The following FBXO47 variants were observed in gnomAD, a reference collection of about 807,000 sequenced individuals.
FBXO47 encodes the protein F-box protein 47.
In FBXO47, 34 loss-of-function variants were observed where a neutral mutation model predicts 53.9. The observed-to-expected ratio is 0.63, with a 90% CI of 0.48 to 0.84. The LOEUF (loss-of-function observed/expected upper bound fraction) is 0.84. FBXO47 is among the 40% of genes least tolerant of loss of function. The probability of loss-of-function intolerance (pLI) is 0.00; values close to 1 mark genes in which losing one functional copy is unlikely to be tolerated. For missense variants in FBXO47, 485 were observed against 541.3 expected (o/e 0.90, Z 1.03); for synonymous variants, 165 against 181.6 (o/e 0.91, Z 0.73).
rs571634100 is a variant in FBXO47 at position 38,959,908 on chromosome 17, G to A, written c.352+1969C>T. On this transcript the variant is annotated intron_variant, in intron 3 of 10. Transcript: ENST00000378079. ...CAAACTAAAAATAAGATATATGGTA[G>A]GAAAATATATGCCTGAACCTCATGA... 3.3e-5 allele frequency among the ~76,000 whole-genome samples: 5 copies of A among 152,082 alleles called. No homozygotes were observed. The South Asian group carries it at 1.0e-3, about 32-fold the overall frequency.
intron 6 of FBXO47, among the ~76,000 whole-genome samples, chr17:38,949,205 C>A (rs1905081742): frequency 6.6e-6 from 1 of 151,900 alleles, no homozygotes; most frequent in South Asian, 2.1e-4. Flanking sequence ...TCACTTGAGC[C>A]CAGGAGTTTG....
At chr17:38,963,922 G>A (rs1905960024) in intron 1 of FBXO47, among the ~76,000 whole-genome samples, 1 of 148,710 alleles carries the variant, frequency 6.7e-6, no homozygotes, top group African/African-American at 2.5e-5. Flanking sequence ...TCAGCCTCCT[G>A]AGTAGCTGGG....
Position 38,954,893 on chromosome 17 carries a change from T to C in FBXO47, c.470A>G (p.Gln157Arg), listed in dbSNP as rs746644991. 2.7e-5 allele frequency: 44 copies of C among 1,611,460 alleles called. No individual in the cohort carries two copies. The highest frequency in any genetic ancestry group is 3.3e-5 in the South Asian group (3 of 90,406). ...FKFNGCAAPM[Q>R]CLGLTCYGMF... Reference sequence around the variant, plus strand: ...GCCATAACATGTTAATCCTAAACACTGCATAGGAGCTGCACAGCCATTGAA... The same window carrying C: ...GCCATAACATGTTAATCCTAAACACCGCATAGGAGCTGCACAGCCATTGAA... Residue 157 changes from glutamine (Q) to arginine (R), a missense_variant, in exon 5 of 11, where the codon CAG becomes CGG. Physicochemically the swap from Gln to Arg is conservative, Grantham distance 43. Transcript: ENST00000378079.
intron 1 of FBXO47, among the ~76,000 whole-genome samples, chr17:38,963,806 T>TTG (rs1555562680): frequency 4.8e-5 from 7 of 147,302 alleles, no homozygotes; most frequent in Non-Finnish European, 1.5e-5. Context: ...TTTGTTGTTT[T>TTG]TTTTTTTTTT....
intron 6 of FBXO47, among the ~76,000 whole-genome samples, chr17:38,946,983 T>TATATATAAACATATACAAATATATGTAA: frequency 1.6e-5 from 1 of 62,432 alleles, no homozygotes; most frequent in East Asian, 5.5e-4. Flanking sequence ...TATATGTAAA[T>TATATATAAACATATACAAATATATGTAA]ATATATAAAC....
At chr17:38,946,886 A>G (rs1448714817) in intron 6 of FBXO47, among the ~76,000 whole-genome samples, 3 of 111,868 alleles carry the variant, frequency 2.7e-5, no homozygotes, top group East Asian at 4.7e-4. Flanking sequence ...ATATATAAAT[A>G]TATATATAAA....
intron 9 of FBXO47, among the ~76,000 whole-genome samples, chr17:38,940,208 A>G (rs928751360): frequency 2.0e-5 from 3 of 151,948 alleles, no homozygotes; most frequent in South Asian, 4.1e-4. Flanking sequence ...CTCCACACAT[A>G]CAGTGGCTTA....
intron 4 of FBXO47, among the ~76,000 whole-genome samples, chr17:38,956,413 C>A (rs1905558858): frequency 6.6e-6 from 1 of 151,728 alleles, no homozygotes; most frequent in Non-Finnish European, 1.5e-5. Flanking sequence ...CAGGGCAAAA[C>A]CTCATCTCTA....
At chr17:38,947,440 C>T (rs908811724) in intron 6 of FBXO47, among the ~76,000 whole-genome samples, 7 of 152,144 alleles carry the variant, frequency 4.6e-5, no homozygotes, top group Non-Finnish European at 7.4e-5. Flanking sequence ...GCAATCCTCC[C>T]ACCTCAGCCT....
rs1358591417 is a variant in FBXO47 at position 38,951,655 on chromosome 17, T to C, written c.542A>G (p.His181Arg). Residue 181 changes from histidine to arginine, a missense_variant, in exon 6 of 11, where the codon CAT (histidine) becomes CGT (arginine). Transcript: ENST00000378079. ...TTCGCATAAGAAATTATAAACGCGA[T>C]GGCACTCAAGTTCATCCCAACCTGC... ...LTAGWDELEC[H>R]RVYNFLCELT... 1 of 1,614,048 alleles carries C rather than the reference T, an allele frequency of 6.2e-7. No individual in the cohort carries two copies. Among genetic ancestry groups the C allele is most frequent in the Admixed American group, 1.7e-5 (1 of 59,990 alleles).
chr17:38,953,777 AT>A (rs1276251086), intron 5 of FBXO47, among the ~76,000 whole-genome samples: 1 of 152,212 alleles, frequency 6.6e-6, no homozygotes, highest in Non-Finnish European at 1.5e-5. Context: ...TACCCTTGGA[AT>A]TGTACAAGAA....
chr17:38,945,366 G>A (rs990472604), intron 6 of FBXO47, among the ~76,000 whole-genome samples: 2 of 152,018 alleles, frequency 1.3e-5, no homozygotes, highest in African/African-American at 4.8e-5. Flanking sequence ...TGAATAATGG[G>A]TCAATCAATC....
intron 1 of FBXO47, among the ~76,000 whole-genome samples, chr17:38,964,367 G>C (rs1048573357): frequency 2.0e-5 from 3 of 152,076 alleles, no homozygotes; most frequent in Non-Finnish European, 4.4e-5. Flanking sequence ...AAGCCAAGGC[G>C]GGTGGATCAC....
intron 9 of FBXO47, among the ~76,000 whole-genome samples, chr17:38,939,769 G>A (rs1450117279): frequency 7.1e-6 from 1 of 140,690 alleles, no homozygotes; most frequent in Non-Finnish European, 1.5e-5. Flanking sequence ...CCGGGTTCAC[G>A]CCATTCTCCT....
chr17:38,961,051 T>G lies in FBXO47; in HGVS notation c.352+826A>C, dbSNP rs16968540. Among the ~76,000 whole-genome samples the G allele has an allele frequency of 8.9e-3, 1,356 of 152,336 alleles. 12 individuals carry two copies. The highest frequency in any genetic ancestry group is 0.013 in the Non-Finnish European group (899 of 68,026). On this transcript the variant is annotated intron_variant, in intron 3 of 10. Transcript: ENST00000378079. ...ACACTGTAATCAGATCAGATACTTT[T>G]CTTTCATTTGGTCTTATTAAATAAA...
At chr17:38,949,035 G>A (rs1409846431) in intron 6 of FBXO47, among the ~76,000 whole-genome samples, 3 of 152,130 alleles carry the variant, frequency 2.0e-5, no homozygotes, top group East Asian at 3.9e-4. Flanking sequence ...TGGTATGGAT[G>A]TAATACTACA....
Position 38,945,030 on chromosome 17 carries a change from T to C in FBXO47, c.723A>G (p.Leu241=). Reference sequence around the variant, plus strand: ...CCTGATTCACCATTGGCCATGGTTTTAATATTCGCGTCAACCAAAAAGCAG... The same window carrying C: ...CCTGATTCACCATTGGCCATGGTTTCAATATTCGCGTCAACCAAAAAGCAG... ...SDSAFWLTRI[L]KPWPMVNQAR... The change falls in exon 7 of 11, where the codon TTA becomes TTG. Residue 241 remains leucine (L), a synonymous_variant. Coordinates refer to ENST00000378079, the MANE Select transcript of FBXO47 (RefSeq NM_001008777.3). 1 of 1,614,134 alleles carries C rather than the reference T, an allele frequency of 6.2e-7. No homozygotes were observed. The highest frequency in any genetic ancestry group is 8.5e-7 in the Non-Finnish European group (1 of 1,179,998).
intron 7 of FBXO47, among the ~76,000 whole-genome samples, chr17:38,944,304 T>A (rs943798128): frequency 6.6e-6 from 1 of 150,902 alleles, no homozygotes; most frequent in Non-Finnish European, 1.5e-5. Context: ...GGTGGGAGGA[T>A]CACTTGAGCC....
At chr17:38,957,293 A>G (rs761950734) in intron 3 of FBXO47, 40 bp from the exon 4 acceptor site, 1 of 1,281,694 alleles carries the variant, frequency 7.8e-7, no homozygotes, top group South Asian at 1.2e-5. Flanking sequence ...TGACAACAAT[A>G]CAATTAAGAA....
Sources: allele counts gnomAD v4.1 joint callset (sites outside exome capture counted in the v4.1 genomes callset), GRCh38; gene constraint gnomAD v4.1.1; transcripts MANE v1.5; gene names NCBI Gene and HGNC (gene_info 2026-07-23, HGNC 2026-07-21).